DPYD: variants seen among roughly 807,000 people sequenced by gnomAD.
The protein encoded by DPYD is dihydropyrimidine dehydrogenase [NADP(+)].
Under a neutral mutation model 116.2 loss-of-function variants are expected in DPYD, and 109 were observed. The ratio of observed to expected loss-of-function variants is 0.94; its 90% CI spans 0.80 to 1.10. DPYD has a LOEUF of 1.10. DPYD is among the 50% of genes least tolerant of loss of function. The pLI is 0.00. For synonymous variants in DPYD, 440 were observed against 432.0 expected, an observed-to-expected ratio of 1.02 and a Z score of -0.23; for missense variants, 1,302 against 1,254.5, an observed-to-expected ratio of 1.04 and a Z score of -0.57.
intron 18 of DPYD, among the ~76,000 whole-genome samples, chr1:97,278,666 C>A (rs2100923664): frequency 6.6e-6 from 1 of 152,274 alleles, no homozygotes; most frequent in East Asian, 1.9e-4. Flanking sequence ...TGAGGATAAT[C>A]TGATGTGTAC....
At chr1:97,176,868 A>ATGTGTGTGTG (rs10677535) in intron 20 of DPYD, among the ~76,000 whole-genome samples, 5,451 of 146,624 alleles carry the variant, frequency 0.037, 173 homozygotes, top group Admixed American at 0.12. Context: ...GGACAAAAAA[A>ATGTGTGTGTG]TGTGTGTGTG....
At chr1:97,363,173 A>G (rs1180553777) in intron 16 of DPYD, among the ~76,000 whole-genome samples, 1 of 152,214 alleles carries the variant, frequency 6.6e-6, no homozygotes. Context: ...AAAAGAAGAC[A>G]CTTATGCAGC....
At chr1:97,547,005 AT>A in intron 12 of DPYD, 1 of 1,566,544 alleles carries the variant, frequency 6.4e-7, no homozygotes. Context: ...CATATTTGCA[AT>A]TTTTTGCTGT....
chr1:97,380,292 G>C (rs138914038), intron 15 of DPYD, among the ~76,000 whole-genome samples: 55 of 152,210 alleles, frequency 3.6e-4, no homozygotes, highest in African/African-American at 1.3e-3. Flanking sequence ...CATAGAATTG[G>C]AGTAGACTAC....
At chr1:97,194,629 C>A (rs1029052025) in intron 19 of DPYD, among the ~76,000 whole-genome samples, 1 of 151,942 alleles carries the variant, frequency 6.6e-6, no homozygotes, top group Non-Finnish European at 1.5e-5. Flanking sequence ...CTCTGCCTCT[C>A]GAGTAGCTGG....
At chr1:97,911,337 C>T (rs555548695) in intron 1 of DPYD, among the ~76,000 whole-genome samples, 1 of 152,156 alleles carries the variant, frequency 6.6e-6, no homozygotes, top group African/African-American at 2.4e-5. Context: ...TCATGAGCTA[C>T]ATACAAATTT....
chr1:97,187,493 G>A (rs539386383), intron 20 of DPYD, among the ~76,000 whole-genome samples: 3 of 152,106 alleles, frequency 2.0e-5, no homozygotes, highest in East Asian at 1.9e-4. Flanking sequence ...TGTTGGATAC[G>A]TAGTTTGAAT....
intron 21 of DPYD, among the ~76,000 whole-genome samples, chr1:97,096,737 C>CA (rs1650275774): frequency 6.6e-6 from 1 of 152,052 alleles, no homozygotes; most frequent in Admixed American, 6.6e-5. Flanking sequence ...TCTGATAGGA[C>CA]AAAAACAGAA....
chr1:97,405,477 G>GT (rs758327494), intron 14 of DPYD, among the ~76,000 whole-genome samples: 2 of 151,722 alleles, frequency 1.3e-5, no homozygotes, highest in Non-Finnish European at 2.9e-5. Context: ...ACATTGGTGA[G>GT]TTTTTTTCTC....
At chr1:97,573,021 CAA>C (rs775686309) in intron 11 of DPYD, among the ~76,000 whole-genome samples, 1 of 151,790 alleles carries the variant, frequency 6.6e-6, no homozygotes, top group South Asian at 2.1e-4. Flanking sequence ...CTTCAGAAAA[CAA>C]AAGAGTTAAT....
At chr1:97,532,378 G>A (rs891692765) in intron 12 of DPYD, among the ~76,000 whole-genome samples, 1 of 152,152 alleles carries the variant, frequency 6.6e-6, no homozygotes, top group African/African-American at 2.4e-5. Context: ...TTTGGTAACA[G>A]TGTGATGCTG....
intron 18 of DPYD, among the ~76,000 whole-genome samples, chr1:97,250,019 C>T (rs1474575367): frequency 6.6e-6 from 1 of 152,120 alleles, no homozygotes; most frequent in Non-Finnish European, 1.5e-5. Context: ...CGCCTGTAAT[C>T]CCAGCACTTT....
chr1:97,901,262 A>G (rs1387028385), intron 1 of DPYD, among the ~76,000 whole-genome samples: 2 of 151,954 alleles, frequency 1.3e-5, no homozygotes, highest in Non-Finnish European at 2.9e-5. Flanking sequence ...TTCTATGGGC[A>G]GCTAATATTA....
chr1:97,208,524 G>A lies in DPYD; in HGVS notation c.2443-15276C>T, dbSNP rs773853801. 2.8e-4 allele frequency among the ~76,000 whole-genome samples: 43 copies of A among 152,004 alleles called. 1 individual carries two copies. Among genetic ancestry groups the A allele is most frequent in the Middle Eastern group, 6.8e-3 (2 of 294 alleles). ...TGATCTTGAACTCCTGGGCTTAAGCGATCCTCCTGCCTCAGCCTCCCAAGG... is the reference window on the plus strand; with the variant it reads ...TGATCTTGAACTCCTGGGCTTAAGCAATCCTCCTGCCTCAGCCTCCCAAGG... On this transcript the variant is annotated intron_variant, in intron 19 of 22. Transcript: ENST00000370192.
chr1:97,238,587 A>C (rs1662111758), intron 18 of DPYD, among the ~76,000 whole-genome samples: 1 of 152,324 alleles, frequency 6.6e-6, no homozygotes, highest in Non-Finnish European at 1.5e-5. Context: ...TATCAATGCC[A>C]TACAAAATTG....
chr1:97,604,388 T>C (rs562488016), intron 8 of DPYD, among the ~76,000 whole-genome samples: 96 of 152,264 alleles, frequency 6.3e-4, no homozygotes, highest in Non-Finnish European at 1.1e-3. Flanking sequence ...GTAGAAAATG[T>C]AATTCACAAA....
intron 8 of DPYD, among the ~76,000 whole-genome samples, chr1:97,632,013 G>T (rs927564018): frequency 1.3e-5 from 2 of 152,058 alleles, no homozygotes; most frequent in Admixed American, 6.6e-5. Context: ...GATGCCAAAA[G>T]TGCATAAGCA....
chr1:97,819,104 T>G (rs1408962970), intron 3 of DPYD, among the ~76,000 whole-genome samples: 1 of 151,954 alleles, frequency 6.6e-6, no homozygotes, highest in Non-Finnish European at 1.5e-5. Flanking sequence ...CTTCCTCATG[T>G]GTTAGGTGGC....
intron 8 of DPYD, among the ~76,000 whole-genome samples, chr1:97,631,164 G>C (rs1557848564): frequency 6.6e-6 from 1 of 152,060 alleles, no homozygotes; most frequent in South Asian, 2.1e-4. Context: ...CATTGTCTGA[G>C]CTGCCCCAGT....
Sources: allele counts gnomAD v4.1 joint callset (sites outside exome capture counted in the v4.1 genomes callset), GRCh38; gene constraint gnomAD v4.1.1; transcripts MANE v1.5; gene names NCBI Gene and HGNC (gene_info 2026-07-23, HGNC 2026-07-21).